The following STON2 variants were observed in gnomAD, a reference collection of about 807,000 sequenced individuals.
The protein encoded by STON2 is stonin-2.
Under a neutral mutation model 65.7 loss-of-function variants are expected in STON2, and 29 were observed. That is an observed-to-expected ratio of 0.44 (90% confidence interval 0.33 to 0.60). The LOEUF is 0.60. Ranked by LOEUF, STON2 falls within the 20% of genes least tolerant of loss-of-function variation. The probability of loss-of-function intolerance (pLI) is 0.03; values close to 1 mark genes in which losing one functional copy is unlikely to be tolerated. For synonymous variants in STON2, 404 were observed against 414.2 expected (o/e 0.98, Z 0.30); for missense variants, 1,054 against 1,118.1 (o/e 0.94, Z 0.82).
chr14:81,307,827 T>C (rs982083750), intron 5 of STON2, among the ~76,000 whole-genome samples: 4 of 152,226 alleles, frequency 2.6e-5, no homozygotes, highest in Non-Finnish European at 2.9e-5. Flanking sequence ...CTGTAGTGTA[T>C]ATATAACACA....
At chr14:81,269,135 A>C (rs1894472837) in intron 7 of STON2, among the ~76,000 whole-genome samples, 1 of 152,138 alleles carries the variant, frequency 6.6e-6, no homozygotes, top group Non-Finnish European at 1.5e-5. Flanking sequence ...CCTCCAGAGT[A>C]GCTAAGATTA....
At chr14:81,281,583 C>T (rs1895121771) in intron 5 of STON2, among the ~76,000 whole-genome samples, 1 of 152,122 alleles carries the variant, frequency 6.6e-6, no homozygotes, top group African/African-American at 2.4e-5. Context: ...GGCTTTCTGC[C>T]AAAGCTGTTT....
intron 3 of STON2, among the ~76,000 whole-genome samples, chr14:81,394,531 G>A (rs72691406): frequency 0.081 from 12,389 of 152,174 alleles, 677 homozygotes; most frequent in Non-Finnish European, 0.12. Flanking sequence ...TTACTGATGT[G>A]ATTATGTTAA....
intron 5 of STON2, among the ~76,000 whole-genome samples, chr14:81,298,425 A>AT (rs1360830668): frequency 1.8e-4 from 1 of 5,454 alleles, no homozygotes; most frequent in Non-Finnish European, 7.0e-4. Context: ...GGGGGGGGGG[A>AT]ATCACAGAAT....
chr14:81,305,026 G>A (rs573229073), intron 5 of STON2, among the ~76,000 whole-genome samples: 28 of 152,088 alleles, frequency 1.8e-4, no homozygotes, highest in Middle Eastern at 3.4e-3. Flanking sequence ...ATACTGTAAC[G>A]TGCTTGTTTT....
At chr14:81,336,216 T>C (rs1897365922) in intron 4 of STON2, among the ~76,000 whole-genome samples, 1 of 152,208 alleles carries the variant, frequency 6.6e-6, no homozygotes, top group Non-Finnish European at 1.5e-5. Flanking sequence ...CTGCCATCTA[T>C]GTAACAGTCA....
rs535112902 is a variant in STON2 at position 81,265,632 on chromosome 14, C to T, written c.*2782G>A. 147 of 327,000 alleles carry T rather than the reference C, an allele frequency of 4.5e-4. No homozygotes were observed. The highest frequency in any genetic ancestry group is 8.0e-4 in the Admixed American group (8 of 9,956). 20.3% of individuals were successfully genotyped at this position (327,000 alleles called of 1,614,324 possible). ...TGCACTCCAGCCTGGGCGACAAGAG[C>T]GAAACTTTGTCTCAGTAATAATAAT... is the stretch of plus-strand genomic sequence containing the variant. On this transcript the variant is annotated 3_prime_UTR_variant, in exon 8 of 8. Coordinates refer to ENST00000614646, the MANE Select transcript of STON2 (RefSeq NM_001394390.1).
chr14:81,287,279 A>G (rs2140145417), intron 5 of STON2, among the ~76,000 whole-genome samples: 1 of 152,344 alleles, frequency 6.6e-6, no homozygotes, highest in African/African-American at 2.4e-5. Context: ...GTCATTACAA[A>G]TGATACGTAC....
At chr14:81,380,057 C>A (rs550509416) in intron 3 of STON2, among the ~76,000 whole-genome samples, 1 of 152,100 alleles carries the variant, frequency 6.6e-6, no homozygotes, top group Admixed American at 6.5e-5. Context: ...AGTAAACAGA[C>A]AATCTACAAA....
At chr14:81,290,298 T>A (rs1300534301) in intron 5 of STON2, among the ~76,000 whole-genome samples, 1 of 152,200 alleles carries the variant, frequency 6.6e-6, no homozygotes, top group Non-Finnish European at 1.5e-5. Flanking sequence ...AGTGCCATTC[T>A]ACCAGATTCA....
At chr14:81,410,674 G>A (rs1255460536) in intron 2 of STON2, among the ~76,000 whole-genome samples, 1 of 152,162 alleles carries the variant, frequency 6.6e-6, no homozygotes, top group African/African-American at 2.4e-5. Context: ...CTAACAAAGA[G>A]TGAGGTTTCA....
intron 5 of STON2, among the ~76,000 whole-genome samples, chr14:81,285,962 A>G (rs1031649829): frequency 3.3e-5 from 5 of 152,210 alleles, no homozygotes; most frequent in Non-Finnish European, 5.9e-5. Flanking sequence ...AGCCTGGCCA[A>G]CATGGCAAAA....
chr14:81,409,133 A>C (rs1176065711), intron 2 of STON2, among the ~76,000 whole-genome samples: 1 of 152,196 alleles, frequency 6.6e-6, no homozygotes, highest in Non-Finnish European at 1.5e-5. Flanking sequence ...GGCTGGGCAC[A>C]GTGGCTCACG....
intron 5 of STON2, among the ~76,000 whole-genome samples, chr14:81,288,511 A>G (rs1035052839): frequency 2.6e-5 from 4 of 152,226 alleles, no homozygotes; most frequent in Admixed American, 2.6e-4. Flanking sequence ...ATATCTAAAC[A>G]TAGAAAAGGT....
At chr14:81,374,631 CTAAA>C (rs957757822) in intron 3 of STON2, among the ~76,000 whole-genome samples, 9 of 151,800 alleles carry the variant, frequency 5.9e-5, no homozygotes, top group East Asian at 1.9e-4. Flanking sequence ...TGAAAAAGAA[CTAAA>C]TAAACTTCCA....
In STON2 at chr14:81,398,489, CAGGGTCTGTTCT is replaced by C. The variant is rs2140444664; in HGVS notation, c.-119_-108del. ...TATGGTAGTACGGTAGACTTGGGTC[CAGGGTCTGTTCT>C]AGGTGTCTTGCCAAGGGCAGTACTC... On this transcript the variant is annotated 5_prime_UTR_variant, in exon 2 of 8. Transcript: ENST00000614646. The C allele has an allele frequency of 1.2e-6, 1 of 805,228 alleles. No individual in the cohort carries two copies. The highest frequency in any genetic ancestry group is 2.1e-6 in the Non-Finnish European group (1 of 478,480). The allele number at this position is 805,228 out of a possible 1,614,324, so 49.9% of individuals were successfully genotyped here.
At chr14:81,424,499 TA>T (rs11357855) in intron 2 of STON2, among the ~76,000 whole-genome samples, 92,000 of 148,480 alleles carry the variant, frequency 0.62, 28,642 homozygotes, top group Non-Finnish European at 0.69. Context: ...ACACTCTCAC[TA>T]AAAAAAAAAA....
chr14:81,277,618 T>G lies in STON2; in HGVS notation c.1864A>C (p.Asn622His). The change falls in exon 6 of 8, where the codon AAC becomes CAC. Residue 622 changes from asparagine (N) to histidine (H), a missense_variant. By Grantham distance (68) the Asn-to-His change is moderately conservative. Transcript: ENST00000614646. ...ACTGTAATCTCCTCTTCAAGGTAGT[T>G]GAGGCCAACTGTGCTCAAGTCCATT... ...LSMDLSTVGL[N>H]YLEEEITVDV... The G allele has an allele frequency of 6.2e-7, 1 of 1,614,140 alleles. No homozygotes were observed. The highest frequency in any genetic ancestry group is 1.1e-5 in the South Asian group (1 of 91,080).
chr14:81,287,463 C>T (rs747158392), intron 5 of STON2, among the ~76,000 whole-genome samples: 9 of 152,164 alleles, frequency 5.9e-5, no homozygotes, highest in Non-Finnish European at 1.3e-4. Context: ...TTTATCAAGA[C>T]ACCACATTCT....
Sources: allele counts gnomAD v4.1 joint callset (sites outside exome capture counted in the v4.1 genomes callset), GRCh38; gene constraint gnomAD v4.1.1; transcripts MANE v1.5; gene names NCBI Gene and HGNC (gene_info 2026-07-23, HGNC 2026-07-21).